The following ATP10B variants were observed in gnomAD, a reference collection of about 807,000 sequenced individuals.
The protein encoded by ATP10B is ATPase phospholipid transporting 10B (putative).
A neutral mutation model predicts 141.2 loss-of-function variants in ATP10B; 122 were observed. That is an observed-to-expected ratio of 0.86 (90% CI 0.75 to 1.00). The LOEUF (loss-of-function observed/expected upper bound fraction) is 1.00, where lower values mean the gene tolerates loss of function less well. Ranked by LOEUF, ATP10B falls within the 50% of genes least tolerant of loss-of-function variation. ATP10B has a pLI of 0.00. For synonymous variants in ATP10B, 685 were observed against 692.0 expected (o/e 0.99, Z 0.16); for missense variants, 1,876 against 1,825.3 (o/e 1.03, Z -0.51).
rs892560636 is a variant in ATP10B at position 160,715,579 on chromosome 5, G to A, written c.-205+1330C>T. ...AATGCAGAAATCACCCGTCTTCTGC[G>A]TCGCTCACGCTGGGAGCTGTAGACC... On this transcript the variant is annotated intron_variant, in intron 3 of 25. Coordinates refer to ENST00000327245, the MANE Select transcript of ATP10B (RefSeq NM_025153.3). 5.3e-5 allele frequency among the ~76,000 whole-genome samples: 8 copies of A among 151,614 alleles called. No individual in the cohort carries two copies. The East Asian group carries it at 9.7e-4, about 18-fold the overall frequency.
intron 3 of ATP10B, among the ~76,000 whole-genome samples, chr5:160,701,865 C>A (rs926825100): frequency 1.3e-5 from 2 of 151,844 alleles, no homozygotes; most frequent in African/African-American, 4.8e-5. Flanking sequence ...AGCAGTTACC[C>A]CTCTGCCCCA....
intron 22 of ATP10B, among the ~76,000 whole-genome samples, chr5:160,597,239 T>G (rs543275448): frequency 6.6e-6 from 1 of 152,218 alleles, no homozygotes; most frequent in African/African-American, 2.4e-5. Context: ...GAAATAATGC[T>G]GCATATCTAC....
chr5:160,798,877 A>G (rs2127926185), intron 1 of ATP10B, among the ~76,000 whole-genome samples: 1 of 149,964 alleles, frequency 6.7e-6, no homozygotes, highest in South Asian at 2.1e-4. Flanking sequence ...TCAGCCTCCC[A>G]AGTAGCTGTG....
chr5:160,612,879 C>T lies in ATP10B; in HGVS notation c.2700G>A (p.Thr900=), dbSNP rs370090714. ...TCCCAGCCTCCCGCAGAGTGGCAAT[C>T]GTATCTGGAACTCCTTCCTGCAGCC... The part of the protein sequence containing the change: ...EDRLQEGVPD[T]IATLREAGIQ... The change falls in exon 18 of 26, where the codon ACG becomes ACA. Residue 900 remains threonine (T), a synonymous_variant. Transcript: ENST00000327245. The T allele has an allele frequency of 9.3e-6, 15 of 1,613,792 alleles. No individual in the cohort carries two copies. The East Asian group carries it at 1.1e-4, about 12-fold the overall frequency.
intron 1 of ATP10B, among the ~76,000 whole-genome samples, chr5:160,842,780 G>A (rs1412588300): frequency 1.3e-5 from 2 of 151,640 alleles, no homozygotes; most frequent in Non-Finnish European, 2.9e-5. Context: ...ATTTATTAAA[G>A]CAATTGAATT....
At chr5:160,730,413 C>G (rs532594568) in intron 2 of ATP10B, among the ~76,000 whole-genome samples, 2 of 151,812 alleles carry the variant, frequency 1.3e-5, no homozygotes, top group Admixed American at 6.6e-5. Context: ...GTCATAAGTC[C>G]GAGGCTACAC....
chr5:160,588,608 AG>A (rs1427433444), intron 24 of ATP10B, among the ~76,000 whole-genome samples: 5 of 152,214 alleles, frequency 3.3e-5, no homozygotes. Context: ...TTAAACTGCC[AG>A]GGTTCAAAAC....
At chr5:160,622,338 G>A in intron 14 of ATP10B, 56 bp downstream of exon 14, 2 of 1,516,652 alleles carry the variant, frequency 1.3e-6, no homozygotes, top group Non-Finnish European at 1.8e-6. Context: ...CCCCTACCCT[G>A]CCTTCTACTC....
chr5:160,861,015 C>T, the ATP10B span, among the ~76,000 whole-genome samples: 5 of 151,884 alleles, frequency 3.3e-5, no homozygotes, highest in Non-Finnish European at 5.9e-5. Context: ...TTTTTAACTT[C>T]TATCTTAAAA....
At chr5:160,723,472 T>G (rs1359718644) in intron 2 of ATP10B, among the ~76,000 whole-genome samples, 3 of 152,222 alleles carry the variant, frequency 2.0e-5, no homozygotes, top group Non-Finnish European at 4.4e-5. Flanking sequence ...CTCATTTATC[T>G]GTCATAATCA....
At chr5:160,878,892 G>A in the ATP10B span, among the ~76,000 whole-genome samples, 1 of 148,122 alleles carries the variant, frequency 6.8e-6, no homozygotes, top group Non-Finnish European at 1.5e-5. Context: ...AACAACAGGT[G>A]CTGGAGAGGA....
chr5:160,678,741 A>G (rs1160248147), intron 6 of ATP10B, among the ~76,000 whole-genome samples: 4 of 152,220 alleles, frequency 2.6e-5, no homozygotes, highest in Admixed American at 2.0e-4. Context: ...TTGGATCCAC[A>G]TGACCCTGGG....
At chr5:160,755,838 AATATATATATATATATATAT>A (rs1181077522) in intron 2 of ATP10B, among the ~76,000 whole-genome samples, 5 of 45,418 alleles carry the variant, frequency 1.1e-4, no homozygotes, top group African/African-American at 3.7e-4. Context: ...AAAAAAAAAA[AATATATATATATATATATAT>A]ATATATATAT....
intron 2 of ATP10B, among the ~76,000 whole-genome samples, chr5:160,721,791 A>G (rs920729981): frequency 4.6e-5 from 7 of 152,196 alleles, no homozygotes; most frequent in Non-Finnish European, 1.0e-4. Flanking sequence ...CTTGGCTCTT[A>G]GATTCTATGA....
the ATP10B span, among the ~76,000 whole-genome samples, chr5:160,895,795 G>C: frequency 2.0e-5 from 3 of 152,108 alleles, no homozygotes; most frequent in Admixed American, 2.0e-4. Context: ...CACATAATTG[G>C]AAGTAAAACA....
intron 1 of ATP10B, among the ~76,000 whole-genome samples, chr5:160,789,995 C>T (rs777569878): frequency 5.3e-5 from 8 of 152,234 alleles, no homozygotes; most frequent in East Asian, 1.9e-4. Flanking sequence ...TTATCCTCTT[C>T]GAGCTTCTGT....
At chr5:160,754,666 C>T (rs1768390658) in intron 2 of ATP10B, among the ~76,000 whole-genome samples, 1 of 152,144 alleles carries the variant, frequency 6.6e-6, no homozygotes, top group African/African-American at 2.4e-5. Context: ...CAATTATTGC[C>T]TTGTTAGTTC....
At chr5:160,669,412 G>A (rs1393543706) in intron 7 of ATP10B, among the ~76,000 whole-genome samples, 2 of 152,128 alleles carry the variant, frequency 1.3e-5, no homozygotes, top group East Asian at 1.9e-4. Context: ...TGCCCAAGGT[G>A]AGATGGCTGA....
intron 6 of ATP10B, among the ~76,000 whole-genome samples, chr5:160,672,117 T>C (rs10044042): frequency 0.65 from 98,629 of 151,020 alleles, 32,785 homozygotes; most frequent in Middle Eastern, 0.78. Context: ...GCTGGGATTA[T>C]AGGCGCCTGC....
Sources: allele counts gnomAD v4.1 joint callset (sites outside exome capture counted in the v4.1 genomes callset), GRCh38; gene constraint gnomAD v4.1.1; transcripts MANE v1.5; gene names NCBI Gene and HGNC (gene_info 2026-07-23, HGNC 2026-07-21).